COL25A1: variants seen among roughly 807,000 people sequenced by gnomAD.
The protein encoded by COL25A1 is collagen type XXV alpha 1 chain, also known as collagen alpha-1(XXV) chain.
Under a neutral mutation model 128.4 loss-of-function variants are expected in COL25A1, and 103 were observed. The observed-to-expected ratio is 0.80, with a 90% CI of 0.68 to 0.94. The LOEUF (loss-of-function observed/expected upper bound fraction) is 0.94, where lower values mean the gene tolerates loss of function less well. Ranked by LOEUF, COL25A1 falls within the 40% of genes least tolerant of loss-of-function variation. COL25A1 has a pLI of 0.00. For synonymous variants in COL25A1, 279 were observed against 277.2 expected, an observed-to-expected ratio of 1.01 and a Z score of -0.06; for missense variants, 745 against 840.0, an observed-to-expected ratio of 0.89 and a Z score of 1.40.
chr4:109,004,941 G>C (rs1239116622), intron 6 of COL25A1, among the ~76,000 whole-genome samples: 1 of 16,704 alleles, frequency 6.0e-5, no homozygotes, highest in Admixed American at 7.6e-4. Flanking sequence ...ACATTTGCAC[G>C]GGAAAAACAA....
At chr4:108,951,459 C>T (rs1749426152) in intron 8 of COL25A1, among the ~76,000 whole-genome samples, 1 of 150,246 alleles carries the variant, frequency 6.7e-6, no homozygotes, top group Non-Finnish European at 1.5e-5. Context: ...TATCTCGGCT[C>T]ACTGCAACCT....
In COL25A1 at chr4:108,862,543, C is replaced by T; in HGVS notation, c.1155G>A (p.Gly385=). Residue 385 remains glycine, a splice_region_variant and synonymous_variant, in exon 22 of 38, where the codon GGG becomes GGA. Coordinates refer to ENST00000399132, the MANE Select transcript of COL25A1 (RefSeq NM_198721.4). ...CTCTAGTTCCTGATTCACCTTGTTT[C>T]CCCTATTACAGCAGAATAAGAGGAT... ...RGEPGAPGPK[G]KQGESGTRGP... 6.2e-7 allele frequency: 1 copy of T among 1,610,766 alleles called. No homozygotes were observed. Among genetic ancestry groups the T allele is most frequent in the Middle Eastern group, 1.7e-4 (1 of 6,052 alleles).
At chr4:108,941,478 G>A (rs1386848942) in intron 8 of COL25A1, 41 bp from the exon 9 acceptor site, 1 of 1,455,980 alleles carries the variant, frequency 6.9e-7, no homozygotes, top group South Asian at 1.1e-5. Context: ...GTTCAGAGAT[G>A]AGAGAGTTGA....
chr4:108,837,216 A>T (rs1296383937), intron 31 of COL25A1, among the ~76,000 whole-genome samples: 1 of 152,244 alleles, frequency 6.6e-6, no homozygotes, highest in Non-Finnish European at 1.5e-5. Flanking sequence ...TATAATAACC[A>T]TGGCAAAAAT....
chr4:108,857,770 G>C (rs764737656), intron 24 of COL25A1, among the ~76,000 whole-genome samples: 1 of 152,042 alleles, frequency 6.6e-6, no homozygotes, highest in Non-Finnish European at 1.5e-5. Context: ...TTGTACATAC[G>C]AATGAAGTAT....
chr4:108,897,457 A>C (rs575862711), intron 15 of COL25A1, among the ~76,000 whole-genome samples: 1 of 152,144 alleles, frequency 6.6e-6, no homozygotes, highest in Non-Finnish European at 1.5e-5. Context: ...GTCTTACAAT[A>C]TGTTATGTGG....
intron 31 of COL25A1, among the ~76,000 whole-genome samples, chr4:108,838,718 C>A (rs1190848883): frequency 2.0e-5 from 3 of 152,202 alleles, no homozygotes; most frequent in Admixed American, 6.5e-5. Flanking sequence ...CAGATCCCTA[C>A]ATGGACTAAT....
At chr4:108,897,559 A>C (rs1013681429) in intron 15 of COL25A1, among the ~76,000 whole-genome samples, 4 of 152,202 alleles carry the variant, frequency 2.6e-5, no homozygotes, top group Non-Finnish European at 4.4e-5. Context: ...TCTCCTGTGC[A>C]ATGTAATAGA....
chr4:109,040,358 T>C (rs1371209045), intron 5 of COL25A1, among the ~76,000 whole-genome samples: 1 of 152,176 alleles, frequency 6.6e-6, no homozygotes, highest in African/African-American at 2.4e-5. Context: ...TTTACATAGC[T>C]AGTTTGGAAG....
At chr4:108,866,705 C>T (rs1737968899) in intron 20 of COL25A1, among the ~76,000 whole-genome samples, 1 of 152,136 alleles carries the variant, frequency 6.6e-6, no homozygotes, top group Non-Finnish European at 1.5e-5. Context: ...GAATGGTGTT[C>T]AGCTGAAAGA....
At chr4:109,259,644 AC>A (rs1190673295) in intron 3 of COL25A1, among the ~76,000 whole-genome samples, 1 of 152,218 alleles carries the variant, frequency 6.6e-6, no homozygotes, top group Non-Finnish European at 1.5e-5. Flanking sequence ...TCTTACCAAG[AC>A]TTGTGGCTAC....
In COL25A1 at chr4:109,234,871, T is replaced by C. The variant is rs189110283; in HGVS notation, c.367+65712A>G. On this transcript the variant is annotated intron_variant, in intron 3 of 37. Coordinates refer to ENST00000399132, the MANE Select transcript of COL25A1 (RefSeq NM_198721.4). ...TTAAATACCAGTAGCCTCAAAACCA[T>C]AGAAGCTTATATTTTTCAGAGGAAA... is the stretch of plus-strand genomic sequence containing the variant. Among the ~76,000 whole-genome samples, 4 of 152,132 alleles carry C rather than the reference T, an allele frequency of 2.6e-5. No individual in the cohort carries two copies. In the East Asian group the frequency reaches 7.7e-4, roughly 29 times the overall value.
At chr4:108,914,697 C>A (rs904631738) in intron 13 of COL25A1, among the ~76,000 whole-genome samples, 1 of 123,282 alleles carries the variant, frequency 8.1e-6, no homozygotes, top group East Asian at 3.0e-4. Flanking sequence ...CACTATGTTG[C>A]CCACGCTGGA....
At chr4:108,940,499 G>A (rs1410099778) in intron 10 of COL25A1, 40 bp downstream of exon 10, 2 of 1,544,490 alleles carry the variant, frequency 1.3e-6, no homozygotes, top group Non-Finnish European at 1.8e-6. Flanking sequence ...TTAACATGAA[G>A]CAAAACGTGT....
chr4:109,287,844 G>C (rs1294854308), intron 3 of COL25A1, among the ~76,000 whole-genome samples: 6 of 152,190 alleles, frequency 3.9e-5, no homozygotes, highest in Non-Finnish European at 1.5e-5. Flanking sequence ...AGCTGATAAA[G>C]TGGGTTGCAT....
At chr4:108,881,647 T>C (rs1052251327) in intron 19 of COL25A1, among the ~76,000 whole-genome samples, 1 of 151,532 alleles carries the variant, frequency 6.6e-6, no homozygotes, top group Non-Finnish European at 1.5e-5. Context: ...AAATGTAAAT[T>C]AAAGGAAAAA....
At chr4:109,195,864 T>G (rs1237840913) in intron 3 of COL25A1, among the ~76,000 whole-genome samples, 2 of 152,112 alleles carry the variant, frequency 1.3e-5, no homozygotes, top group African/African-American at 4.8e-5. Context: ...ACTCAACAAG[T>G]CAACCCATAT....
chr4:109,237,237 T>C (rs368767878), intron 3 of COL25A1, among the ~76,000 whole-genome samples: 1 of 152,066 alleles, frequency 6.6e-6, no homozygotes, highest in African/African-American at 2.4e-5. Context: ...ACATTTCTAA[T>C]GTGATCTTCA....
intron 11 of COL25A1, among the ~76,000 whole-genome samples, chr4:108,935,104 G>A (rs1747245715): frequency 6.6e-6 from 1 of 152,126 alleles, no homozygotes; most frequent in African/African-American, 2.4e-5. Flanking sequence ...TAGTTTTAAC[G>A]GGGTAGTCAA....
Sources: gnomAD v4.1 joint callset for allele counts (sites outside exome capture counted in the v4.1 genomes callset) on GRCh38, gnomAD v4.1.1 for gene constraint, MANE v1.5 for transcripts, NCBI Gene and HGNC (gene_info 2026-07-23, HGNC 2026-07-21) for gene names.